LRP1B: variants seen among roughly 807,000 people sequenced by gnomAD.
LRP1B encodes the protein low-density lipoprotein receptor-related protein 1B.
A neutral mutation model predicts 556.6 loss-of-function variants in LRP1B; 217 were observed. The observed-to-expected ratio is 0.39, with a 90% CI of 0.35 to 0.44. LRP1B has a LOEUF of 0.44. Among genes scored for constraint, LRP1B ranks in the 20% least tolerant of loss-of-function variants. LRP1B has a pLI of 1.00. For synonymous variants in LRP1B, 2,047 were observed against 1,865.8 expected, an observed-to-expected ratio of 1.10 and a Z score of -2.50; for missense variants, 5,053 against 5,620.8, an observed-to-expected ratio of 0.90 and a Z score of 3.23.
At chr2:141,996,335 T>C (rs1574574258) in intron 1 of LRP1B, among the ~76,000 whole-genome samples, 1 of 152,308 alleles carries the variant, frequency 6.6e-6, no homozygotes, top group Non-Finnish European at 1.5e-5. Flanking sequence ...CACTGACTCT[T>C]ACTTGTTGCT....
intron 23 of LRP1B, among the ~76,000 whole-genome samples, chr2:140,893,028 A>C (rs1351259333): frequency 1.3e-5 from 2 of 152,090 alleles, no homozygotes; most frequent in Non-Finnish European, 2.9e-5. Context: ...AGGCTTTCGA[A>C]ATAAAAGTAA....
chr2:141,050,650 C>T (rs545277169), intron 10 of LRP1B, among the ~76,000 whole-genome samples: 1 of 152,166 alleles, frequency 6.6e-6, no homozygotes, highest in African/African-American at 2.4e-5. Flanking sequence ...GGATTAAAGA[C>T]TTAAATGTAA....
chr2:140,756,004 T>G (rs1688730973), intron 35 of LRP1B, among the ~76,000 whole-genome samples: 1 of 151,896 alleles, frequency 6.6e-6, no homozygotes. Flanking sequence ...AATTCAGCAA[T>G]GTTGGAGGAT....
intron 71 of LRP1B, among the ~76,000 whole-genome samples, chr2:140,366,996 G>A (rs772037253): frequency 2.6e-5 from 4 of 151,690 alleles, no homozygotes; most frequent in Admixed American, 1.3e-4. Context: ...ATTTGAGATC[G>A]GAGCAAAATG....
At chr2:140,555,782 A>T (rs936835) in intron 43 of LRP1B, among the ~76,000 whole-genome samples, 46,045 of 151,978 alleles carry the variant, frequency 0.3, 7,337 homozygotes, top group Admixed American at 0.42. Flanking sequence ...CTATGCTTAG[A>T]GGTAAAACTA....
chr2:141,725,662 T>A (rs1349503369), intron 2 of LRP1B, among the ~76,000 whole-genome samples: 1 of 151,852 alleles, frequency 6.6e-6, no homozygotes, highest in African/African-American at 2.4e-5. Flanking sequence ...AGTAGTCTTT[T>A]TGGTTGGCAC....
chr2:141,086,249 T>C (rs534328704), intron 7 of LRP1B, among the ~76,000 whole-genome samples: 1 of 152,226 alleles, frequency 6.6e-6, no homozygotes, highest in African/African-American at 2.4e-5. Flanking sequence ...GTTTCTTGAC[T>C]GGATCAAAAG....
chr2:141,815,064 T>C (rs567183140), intron 1 of LRP1B, among the ~76,000 whole-genome samples: 2 of 152,062 alleles, frequency 1.3e-5, no homozygotes, highest in African/African-American at 2.4e-5. Context: ...AGTAGACTCA[T>C]AGGCTGAGGG....
At chr2:140,242,300 G>A (rs1166582672) in intron 87 of LRP1B, among the ~76,000 whole-genome samples, 1 of 151,080 alleles carries the variant, frequency 6.6e-6, no homozygotes, top group Non-Finnish European at 1.5e-5. Context: ...CAAAACACAT[G>A]TTCTCATAGC....
intron 2 of LRP1B, among the ~76,000 whole-genome samples, chr2:141,525,883 A>G (rs148178686): frequency 1.3e-5 from 2 of 152,160 alleles, no homozygotes; most frequent in East Asian, 3.9e-4. Flanking sequence ...CACAAAAAAT[A>G]TCGTTTATTT....
intron 7 of LRP1B, among the ~76,000 whole-genome samples, chr2:141,118,395 T>C (rs1700959675): frequency 6.6e-6 from 1 of 151,974 alleles, no homozygotes; most frequent in Admixed American, 6.6e-5. Context: ...GTTTCCTTTC[T>C]GAGATTAGTT....
At chr2:140,759,753 C>T (rs1357987781) in intron 35 of LRP1B, among the ~76,000 whole-genome samples, 1 of 152,166 alleles carries the variant, frequency 6.6e-6, no homozygotes, top group Admixed American at 6.5e-5. Flanking sequence ...AAACATTCAG[C>T]GCGCCTTGGT....
At chr2:140,798,367 A>G (rs1029568783) in intron 32 of LRP1B, among the ~76,000 whole-genome samples, 4 of 152,192 alleles carry the variant, frequency 2.6e-5, no homozygotes, top group African/African-American at 7.2e-5. Context: ...AAAAAAATAA[A>G]CAGAAAAGAA....
At chr2:142,084,966 T>C (rs1705858450) in intron 1 of LRP1B, among the ~76,000 whole-genome samples, 1 of 152,222 alleles carries the variant, frequency 6.6e-6, no homozygotes, top group South Asian at 2.1e-4. Flanking sequence ...AGTCCCTGCT[T>C]ACAATCTGTC....
At chr2:140,792,314 T>G (rs906476655) in intron 32 of LRP1B, among the ~76,000 whole-genome samples, 4 of 152,186 alleles carry the variant, frequency 2.6e-5, no homozygotes, top group Admixed American at 6.5e-5. Flanking sequence ...CACCAGACAT[T>G]GAACCTAAGA....
At chr2:142,098,067 CT>C (rs1706438051) in intron 1 of LRP1B, among the ~76,000 whole-genome samples, 1 of 151,674 alleles carries the variant, frequency 6.6e-6, no homozygotes, top group Non-Finnish European at 1.5e-5. Context: ...ATCCAGCTGT[CT>C]TTTACAGACC....
chr2:141,713,940 C>G (rs144095819), intron 2 of LRP1B, among the ~76,000 whole-genome samples: 1 of 152,204 alleles, frequency 6.6e-6, no homozygotes, highest in Non-Finnish European at 1.5e-5. Flanking sequence ...CCAGATCTGC[C>G]AAATGTATTC....
intron 1 of LRP1B, among the ~76,000 whole-genome samples, chr2:141,855,229 G>T (rs1410379223): frequency 6.6e-6 from 1 of 152,036 alleles, no homozygotes; most frequent in African/African-American, 2.4e-5. Flanking sequence ...AATTTTGACA[G>T]AAGCAGATGT....
At chr2:142,022,322 T>C (rs886492710) in intron 1 of LRP1B, among the ~76,000 whole-genome samples, 2 of 151,912 alleles carry the variant, frequency 1.3e-5, no homozygotes, top group South Asian at 2.1e-4. Context: ...TAAGAATAGA[T>C]AGTATAATCT....
Sources: allele counts gnomAD v4.1 joint callset (sites outside exome capture counted in the v4.1 genomes callset), GRCh38; gene constraint gnomAD v4.1.1; transcripts MANE v1.5; gene names NCBI Gene and HGNC (gene_info 2026-07-23, HGNC 2026-07-21).